The following KIAA1217 variants were observed in gnomAD, a reference collection of about 807,000 sequenced individuals.
KIAA1217 encodes sickle tail protein homolog.
KIAA1217 carries 88 observed loss-of-function variants against 163.9 expected under a neutral mutation model. That is an observed-to-expected ratio of 0.54 (90% CI 0.45 to 0.64). The LOEUF (loss-of-function observed/expected upper bound fraction) is 0.64. KIAA1217 is among the 30% of genes least tolerant of loss of function. KIAA1217 has a pLI of 0.00. For missense variants in KIAA1217, 2,372 were observed against 2,475.0 expected (o/e 0.96, Z 0.88); for synonymous variants, 903 against 923.1 (o/e 0.98, Z 0.39).
rs922090938 is a variant in KIAA1217 at position 24,142,397 on chromosome 10, A to T, written c.-170-77229A>T. 2.0e-5 allele frequency among the ~76,000 whole-genome samples: 3 copies of T among 152,274 alleles called. No individual in the cohort carries two copies. In the East Asian group the frequency reaches 5.8e-4, roughly 29 times the overall value. ...TAAGCATTATCTTCCTATAGGTAAGATAGTGCCAAGGCAGTGTCTTGGTGT... is the reference window on the plus strand; with the variant it reads ...TAAGCATTATCTTCCTATAGGTAAGTTAGTGCCAAGGCAGTGTCTTGGTGT... On this transcript the variant is annotated intron_variant, in intron 2 of 18. Transcript: ENST00000376462.
chr10:24,443,944 C>A (rs571092757), intron 5 of KIAA1217, among the ~76,000 whole-genome samples: 1 of 151,954 alleles, frequency 6.6e-6, no homozygotes, highest in Non-Finnish European at 1.5e-5. Flanking sequence ...ATGGGGGTAC[C>A]TTTTATTGTT....
intron 1 of KIAA1217, among the ~76,000 whole-genome samples, chr10:23,866,013 G>A (rs372711069): frequency 6.6e-6 from 1 of 152,068 alleles, no homozygotes; most frequent in Non-Finnish European, 1.5e-5. Flanking sequence ...CCTCAGCTTC[G>A]AACATACATA....
intron 6 of KIAA1217, 98 bp downstream of exon 6, chr10:24,474,158 AC>A: frequency 2.3e-6 from 2 of 857,616 alleles, no homozygotes; most frequent in Non-Finnish European, 1.8e-6. Flanking sequence ...ATGTCTGAGC[AC>A]CCATCTCTGC....
rs548517629 is a variant in KIAA1217 at position 23,867,942 on chromosome 10, A to C, written c.-320-139283A>C. 5.1e-4 allele frequency among the ~76,000 whole-genome samples: 78 copies of C among 152,252 alleles called. No homozygotes were observed. The South Asian group carries it at 0.015, about 30-fold the overall frequency. The stretch of plus-strand genomic sequence containing the variant: ...GTCCTTGCCCACGCCTATGTCCTGA[A>C]TGGTAATGCCTAGGTTTTCTTCTAG... On this transcript the variant is annotated intron_variant, in intron 1 of 18. Coordinates refer to the KIAA1217 transcript ENST00000376462.
intron 2 of KIAA1217, among the ~76,000 whole-genome samples, chr10:24,141,328 C>G (rs1402588540): frequency 6.8e-6 from 1 of 147,614 alleles, no homozygotes; most frequent in African/African-American, 2.5e-5. Context: ...TTCTAAGAAC[C>G]TGGGGCAAGT....
intron 1 of KIAA1217, among the ~76,000 whole-genome samples, chr10:23,762,091 CT>C (rs1834285128): frequency 1.3e-5 from 2 of 152,062 alleles, no homozygotes; most frequent in Admixed American, 1.3e-4. Context: ...ATAACAAGTT[CT>C]GAAATTGAGG....
intron 2 of KIAA1217, among the ~76,000 whole-genome samples, chr10:24,281,303 T>G (rs768147507): frequency 2.2e-4 from 34 of 152,314 alleles, no homozygotes; most frequent in Non-Finnish European, 4.6e-4. Flanking sequence ...ATGTAAGTAA[T>G]CATTCCATTT....
intron 9 of KIAA1217, among the ~76,000 whole-genome samples, chr10:24,512,065 T>A (rs999339741): frequency 6.6e-6 from 1 of 152,228 alleles, no homozygotes; most frequent in African/African-American, 2.4e-5. Flanking sequence ...CAGAGGCCAG[T>A]TCATCACCAT....
chr10:23,745,133 C>A (rs1253163916), intron 1 of KIAA1217, among the ~76,000 whole-genome samples: 1 of 152,132 alleles, frequency 6.6e-6, no homozygotes, highest in African/African-American at 2.4e-5. Flanking sequence ...AGGGGATGCC[C>A]CTTTAGAGCT....
At chr10:24,127,139 A>G (rs1459960424) in intron 2 of KIAA1217, among the ~76,000 whole-genome samples, 1 of 152,178 alleles carries the variant, frequency 6.6e-6, no homozygotes, top group Non-Finnish European at 1.5e-5. Flanking sequence ...CATATTCTCC[A>G]TGCAAAACTT....
At chr10:24,280,414 A>T (rs760478082) in intron 2 of KIAA1217, among the ~76,000 whole-genome samples, 41 of 152,242 alleles carry the variant, frequency 2.7e-4, no homozygotes, top group Non-Finnish European at 5.1e-4. Flanking sequence ...AGGGTGCTAT[A>T]AAGTAAAATG....
chr10:24,223,014 G>A (rs2069875828), intron 2 of KIAA1217, among the ~76,000 whole-genome samples: 1 of 152,142 alleles, frequency 6.6e-6, no homozygotes, highest in African/African-American at 2.4e-5. Flanking sequence ...GGCAGTGGTG[G>A]GAGTGTAGCA....
chr10:24,219,548 CAA>C (rs1429033335), intron 1 of KIAA1217, 76 bp from the exon 2 acceptor site: 1 of 1,238,712 alleles, frequency 8.1e-7, no homozygotes, highest in African/African-American at 1.5e-5. Flanking sequence ...ACAACTGCCG[CAA>C]ACCCTCTTGG....
intron 2 of KIAA1217, among the ~76,000 whole-genome samples, chr10:24,194,886 G>A (rs1464454181): frequency 2.6e-5 from 4 of 151,558 alleles, no homozygotes; most frequent in South Asian, 4.2e-4. Context: ...GGGATTAGAG[G>A]CATGAGCCAC....
chr10:23,892,462 G>A (rs1841455594), intron 1 of KIAA1217, among the ~76,000 whole-genome samples: 1 of 151,844 alleles, frequency 6.6e-6, no homozygotes, highest in Admixed American at 6.6e-5. Context: ...GGTACATTTG[G>A]TTTGGCCAGT....
At chr10:24,503,808 C>T (rs575588839) in intron 9 of KIAA1217, among the ~76,000 whole-genome samples, 17 of 152,332 alleles carry the variant, frequency 1.1e-4, no homozygotes, top group Non-Finnish European at 1.2e-4. Context: ...CCCTTCCCTT[C>T]ACTGCTCCTG....
In KIAA1217 at chr10:23,790,366, CATATACATATGTAT is replaced by C. The variant is rs1189940859; in HGVS notation, c.-321+95157_-321+95170del. ...ATACATATGCATATATGCATATATA[CATATACATATGTAT>C]ATATACATATGTATATATACATATA... On this transcript the variant is annotated intron_variant, in intron 1 of 18. Transcript: ENST00000376462. 6.5e-4 allele frequency among the ~76,000 whole-genome samples: 62 copies of C among 95,144 alleles called. 10 individuals are homozygous for C. Among genetic ancestry groups the C allele is most frequent in the Admixed American group, 9.7e-4 (9 of 9,240 alleles). 62.4% of individuals were successfully genotyped at this position (95,144 alleles called of 152,430 possible). A position where few individuals can be genotyped will look rare whatever the true frequency, so the allele number is the denominator to read the frequency against.
intron 2 of KIAA1217, among the ~76,000 whole-genome samples, chr10:24,076,316 G>A (rs937179359): frequency 2.6e-5 from 4 of 152,204 alleles, no homozygotes; most frequent in African/African-American, 9.6e-5. Context: ...TATACAGAGT[G>A]GAGAGAGGCG....
intron 1 of KIAA1217, among the ~76,000 whole-genome samples, chr10:23,878,391 G>C (rs955427173): frequency 6.6e-6 from 1 of 151,844 alleles, no homozygotes; most frequent in African/African-American, 2.4e-5. Context: ...AAATGATTTT[G>C]TTTCCAGAGG....
Sources: allele counts gnomAD v4.1 joint callset (sites outside exome capture counted in the v4.1 genomes callset), GRCh38; gene constraint gnomAD v4.1.1; transcripts MANE v1.5; gene names NCBI Gene and HGNC (gene_info 2026-07-23, HGNC 2026-07-21).